VAMP7: variants seen among roughly 807,000 people sequenced by gnomAD.
The protein encoded by VAMP7 is vesicle associated membrane protein 7.
VAMP7 carries 14 observed loss-of-function variants against 29.6 expected under a neutral mutation model. That is an observed-to-expected ratio of 0.47 (90% CI 0.31 to 0.74). VAMP7 has a LOEUF of 0.74. Ranked by LOEUF, VAMP7 falls within the 30% of genes least tolerant of loss-of-function variation. The probability of loss-of-function intolerance (pLI) is 0.05; values close to 1 mark genes in which losing one functional copy is unlikely to be tolerated. For synonymous variants in VAMP7, 95 were observed against 88.1 expected (o/e 1.08, Z -0.44); for missense variants, 223 against 262.4 (o/e 0.85, Z 1.04).
rs1045383981 is a variant in VAMP7, at chrX:155,902,256, A to G, written c.433+1669A>G. On this transcript the variant is annotated intron_variant, in intron 5 of 7. Transcript: ENST00000286448. Reference sequence around the variant, plus strand: ...TTTGCTGAAGTTGCTTATCAGCTTAAGGGGATTTTGGGCTGAGACAATGGG... The same window carrying G: ...TTTGCTGAAGTTGCTTATCAGCTTAGGGGGATTTTGGGCTGAGACAATGGG... Among the ~76,000 whole-genome samples, 426 of 152,154 alleles carry G rather than the reference A, an allele frequency of 2.8e-3. 9 individuals are homozygous for G. The highest frequency in any genetic ancestry group is 0.028 in the Admixed American group (423 of 15,270).
At chrX:155,899,511 A>G (rs897527370) in intron 4 of VAMP7, among the ~76,000 whole-genome samples, 3 of 150,426 alleles carry the variant, frequency 2.0e-5, no homozygotes, top group Non-Finnish European at 4.4e-5. Context: ...TGTGGTTTTA[A>G]TACTCTGAGT....
rs1418816772 is a variant in VAMP7 at position 155,922,645 on chromosome X, G to A, written c.501+2765G>A. ...GAATTTGGCATCTATGTTTATAAGA[G>A]ATAGTGGTCTGTAATTTATTTTTCT... On this transcript the variant is annotated intron_variant, in intron 6 of 7. Coordinates refer to ENST00000286448, the MANE Select transcript of VAMP7 (RefSeq NM_005638.6). Among the ~76,000 whole-genome samples, 6 of 152,142 alleles carry A rather than the reference G, an allele frequency of 3.9e-5. 1 individual carries two copies. The South Asian group carries it at 1.2e-3, about 32-fold the overall frequency.
At chrX:155,925,702 G>T (rs2124366489) in intron 6 of VAMP7, among the ~76,000 whole-genome samples, 1 of 152,276 alleles carries the variant, frequency 6.6e-6, no homozygotes, top group South Asian at 2.1e-4. Flanking sequence ...AGAGACAAAT[G>T]GTTCTATTCT....
At chrX:155,916,133 CTT>C (rs1403873018) in intron 5 of VAMP7, among the ~76,000 whole-genome samples, 3 of 151,978 alleles carry the variant, frequency 2.0e-5, no homozygotes, top group African/African-American at 7.3e-5. Flanking sequence ...CTTTTTTGAT[CTT>C]TGTTGGTTTA....
At chrX:155,900,879 T>G in intron 5 of VAMP7, among the ~76,000 whole-genome samples, 1 of 152,100 alleles carries the variant, frequency 6.6e-6, no homozygotes, top group Admixed American at 6.6e-5. Flanking sequence ...TGTACAGTAT[T>G]TCACTGAGTT....
chrX:155,887,702 G>A (rs1420951235), intron 1 of VAMP7, among the ~76,000 whole-genome samples: 1 of 152,126 alleles, frequency 6.6e-6, no homozygotes, highest in African/African-American at 2.4e-5. Flanking sequence ...GCCAAGGCAG[G>A]TGGATCACTT....
chrX:155,904,808 T>A (rs1232809084), intron 5 of VAMP7, among the ~76,000 whole-genome samples: 3 of 151,674 alleles, frequency 2.0e-5, no homozygotes, highest in African/African-American at 7.3e-5. Flanking sequence ...ATGCATTTTA[T>A]GTATCTACTC....
intron 6 of VAMP7, among the ~76,000 whole-genome samples, chrX:155,924,335 T>C: frequency 6.6e-6 from 1 of 152,312 alleles, no homozygotes. Context: ...AAGTGCACAA[T>C]TCAGTGATGT....
At chrX:155,931,911 C>T (rs1232941670) in intron 6 of VAMP7, among the ~76,000 whole-genome samples, 1 of 152,142 alleles carries the variant, frequency 6.6e-6, no homozygotes, top group African/African-American at 2.4e-5. Flanking sequence ...GATCCAGTTT[C>T]AGCTTTCTCC....
intron 6 of VAMP7, 116 bp downstream of exon 6, chrX:155,919,996 C>A: frequency 2.4e-6 from 2 of 833,238 alleles, no homozygotes; most frequent in Non-Finnish European, 1.9e-6. Flanking sequence ...TTTTTTCTTT[C>A]TCATTTCCAT....
At position 155,942,701 on chromosome X, in the gene VAMP7, G is replaced by A. The variant is rs750063657; in HGVS notation, c.*750G>A. On this transcript the variant is annotated 3_prime_UTR_variant, in exon 8 of 8. Transcript: ENST00000286448. ...TGTTGAAAGTTGCAGTTTTTTAAATGTGTTCCTTTTTCTTCTGTGAATATT... is the reference window on the plus strand; with the variant it reads ...TGTTGAAAGTTGCAGTTTTTTAAATATGTTCCTTTTTCTTCTGTGAATATT... 6.5e-6 allele frequency: 1 copy of A among 153,590 alleles called. No homozygotes were observed. Among genetic ancestry groups the A allele is most frequent in the Admixed American group, 6.5e-5 (1 of 15,498 alleles). The allele number at this position is 153,590 out of a possible 1,614,324, so 9.5% of individuals were successfully genotyped here. A position where few individuals can be genotyped will look rare whatever the true frequency, so the allele number is the denominator to read the frequency against.
At chrX:155,917,302 C>A (rs975752363) in intron 5 of VAMP7, among the ~76,000 whole-genome samples, 5 of 152,150 alleles carry the variant, frequency 3.3e-5, no homozygotes, top group Admixed American at 6.5e-5. Context: ...GGGGTTAGAA[C>A]ATTCTCCTTT....
intron 6 of VAMP7, among the ~76,000 whole-genome samples, chrX:155,935,706 A>G (rs754849321): frequency 6.6e-6 from 1 of 152,178 alleles, no homozygotes; most frequent in African/African-American, 2.4e-5. Context: ...CAACTCGTCA[A>G]AGTCATTCTC....
At chrX:155,937,152 G>A (rs2066672313) in intron 6 of VAMP7, among the ~76,000 whole-genome samples, 2 of 151,968 alleles carry the variant, frequency 1.3e-5, no homozygotes, top group East Asian at 1.9e-4. Context: ...TATATTAAGT[G>A]AAATATACTA....
chrX:155,914,154 T>C (rs2066278062), intron 5 of VAMP7, among the ~76,000 whole-genome samples: 1 of 152,140 alleles, frequency 6.6e-6, no homozygotes, highest in African/African-American at 2.4e-5. Flanking sequence ...ATGATTTGGC[T>C]CTCTGTTTGT....
intron 6 of VAMP7, among the ~76,000 whole-genome samples, chrX:155,937,411 C>G (rs1372561159): frequency 1.3e-5 from 2 of 152,134 alleles, no homozygotes; most frequent in Non-Finnish European, 2.9e-5. Flanking sequence ...AGATCTTAAG[C>G]ATTCTCACCA....
intron 5 of VAMP7, among the ~76,000 whole-genome samples, chrX:155,903,755 G>T (rs1228854691): frequency 6.6e-6 from 1 of 152,130 alleles, no homozygotes; most frequent in East Asian, 1.9e-4. Context: ...TACACAGTTG[G>T]TCGGACTGTA....
At chrX:155,885,504 C>T (rs2065854274) in intron 1 of VAMP7, among the ~76,000 whole-genome samples, 1 of 152,096 alleles carries the variant, frequency 6.6e-6, no homozygotes, top group Admixed American at 6.5e-5. Flanking sequence ...ATTGTGTCCT[C>T]CAGAAAGCTG....
At position 155,906,320 on chromosome X, in the gene VAMP7, C is replaced by T. The variant is rs150566669; in HGVS notation, c.433+5733C>T. The stretch of plus-strand genomic sequence containing the variant: ...TGTTAGGCCAGTTTAGAGAGAATCC[C>T]CTTGCCCTTGATGCCTCCTCTTAGT... On this transcript the variant is annotated intron_variant, in intron 5 of 7. Transcript: ENST00000286448. 5.0e-3 allele frequency among the ~76,000 whole-genome samples: 754 copies of T among 152,202 alleles called. 3 individuals are homozygous for T. Among genetic ancestry groups the T allele is most frequent in the Non-Finnish European group, 8.2e-3 (559 of 68,000 alleles).
Sources: allele counts gnomAD v4.1 joint callset (sites outside exome capture counted in the v4.1 genomes callset), GRCh38; gene constraint gnomAD v4.1.1; transcripts MANE v1.5; gene names NCBI Gene and HGNC (gene_info 2026-07-23, HGNC 2026-07-21).